The following C9orf72 variants were observed in gnomAD, a reference collection of about 807,000 sequenced individuals.
The protein encoded by C9orf72 is C9orf72-SMCR8 complex subunit.
C9orf72 carries 44 observed loss-of-function variants against 51.6 expected under a neutral mutation model. The observed-to-expected ratio is 0.85, with a 90% CI of 0.67 to 1.10. The LOEUF (loss-of-function observed/expected upper bound fraction) is 1.10. C9orf72 is among the 50% of genes least tolerant of loss of function. C9orf72 has a pLI of 0.00. For synonymous variants in C9orf72, 213 were observed against 194.2 expected (o/e 1.10, Z -0.81); for missense variants, 607 against 570.6 (o/e 1.06, Z -0.65).
intron 3 of C9orf72, among the ~76,000 whole-genome samples, chr9:27,563,139 C>A (rs1310985800): frequency 6.6e-6 from 1 of 152,106 alleles, no homozygotes; most frequent in Non-Finnish European, 1.5e-5. Flanking sequence ...AAACTTGAAT[C>A]AATACCTAAC....
At chr9:27,557,651 T>C (rs529406511) in intron 7 of C9orf72, among the ~76,000 whole-genome samples, 122 of 152,206 alleles carry the variant, frequency 8.0e-4, no homozygotes, top group African/African-American at 2.8e-3. Context: ...TTATTATGCC[T>C]TTAACAGGAG....
At chr9:27,569,411 T>C (rs182869389) in intron 1 of C9orf72, among the ~76,000 whole-genome samples, 3 of 152,340 alleles carry the variant, frequency 2.0e-5, no homozygotes, top group African/African-American at 7.2e-5. Context: ...GTAAGTGGCC[T>C]ACACAGGTAT....
At chr9:27,554,763 ACT>A (rs1026636166) in intron 8 of C9orf72, 60 of 394,398 alleles carry the variant, frequency 1.5e-4, no homozygotes, top group Non-Finnish European at 2.5e-4. Flanking sequence ...AAGTAAAATG[ACT>A]CTGTGACAAT....
chr9:27,552,415 T>G (rs928680545), intron 8 of C9orf72, among the ~76,000 whole-genome samples: 5 of 151,964 alleles, frequency 3.3e-5, no homozygotes, highest in African/African-American at 1.2e-4. Context: ...TGGCATGATC[T>G]CAGCTCGCTG....
At chr9:27,556,447 T>C in intron 8 of C9orf72, 114 bp downstream of exon 8, 4 of 668,736 alleles carry the variant, frequency 6.0e-6, no homozygotes, top group Middle Eastern at 2.9e-4. Context: ...TCAAGCATAA[T>C]TCTGCTGGTA....
At chr9:27,551,794 T>C (rs77881213) in intron 8 of C9orf72, among the ~76,000 whole-genome samples, 415 of 152,324 alleles carry the variant, frequency 2.7e-3, no homozygotes, top group African/African-American at 9.6e-3. Flanking sequence ...CATAAGTGAA[T>C]TAGATAAAGC....
intron 1 of C9orf72, among the ~76,000 whole-genome samples, chr9:27,567,958 G>T (rs1435062893): frequency 6.6e-6 from 1 of 152,078 alleles, no homozygotes; most frequent in Non-Finnish European, 1.5e-5. Context: ...CGGACTTCTA[G>T]CTTCTAGAAT....
chr9:27,561,502 T>A (rs1819345707), intron 5 of C9orf72, 83 bp downstream of exon 5: 1 of 1,573,778 alleles, frequency 6.4e-7, no homozygotes. Flanking sequence ...CAGTCTGTTA[T>A]TTTCTTTCTT....
In C9orf72 at chr9:27,557,537, C is replaced by G. The variant is rs1282200428; in HGVS notation, c.856-741G>C. Among the ~76,000 whole-genome samples, 5 of 152,108 alleles carry G rather than the reference C, an allele frequency of 3.3e-5. No homozygotes were observed. The South Asian group carries it at 1.0e-3, about 31-fold the overall frequency. On this transcript the variant is annotated intron_variant, in intron 7 of 10. Coordinates refer to ENST00000380003, the MANE Select transcript of C9orf72 (RefSeq NM_018325.5). Reference sequence around the variant, plus strand: ...ACTATTAAATATTTTTTCATTAGATCATAGTTTTGAAATTTCCTCTAGGCA... The same window carrying G: ...ACTATTAAATATTTTTTCATTAGATGATAGTTTTGAAATTTCCTCTAGGCA...
At chr9:27,550,778 C>A in intron 8 of C9orf72, 71 bp from the exon 9 acceptor site, 2 of 716,714 alleles carry the variant, frequency 2.8e-6, no homozygotes, top group Non-Finnish European at 2.3e-6. Context: ...TGCTACCTTC[C>A]ACAATCCCTC....
chr9:27,550,201 CAT>C (rs1367156988), intron 9 of C9orf72, among the ~76,000 whole-genome samples: 2 of 149,634 alleles, frequency 1.3e-5, no homozygotes, highest in African/African-American at 2.5e-5. Flanking sequence ...CACACACAAA[CAT>C]ATATATATAC....
rs201734930 is a variant in C9orf72 at position 27,548,562 on chromosome 9, G to A, written c.1254C>T (p.Asp418=). Reference sequence around the variant, plus strand: ...CGTGTAGGAGTTTTACTCACGTATCGTCTTCTATATATTTTATTAGTGTCA... The same window carrying A: ...CGTGTAGGAGTTTTACTCACGTATCATCTTCTATATATTTTATTAGTGTCA... ...KALTLIKYIE[D]DTQKGKKPFK... The change falls in exon 10 of 11, where the codon GAC becomes GAT. Residue 418 remains aspartate, a synonymous_variant. Coordinates refer to ENST00000380003, the MANE Select transcript of C9orf72 (RefSeq NM_018325.5). 59 of 1,574,676 alleles carry A rather than the reference G, an allele frequency of 3.7e-5. No homozygotes were observed. Among genetic ancestry groups the A allele is most frequent in the South Asian group, 1.7e-4 (15 of 90,112 alleles).
Position 27,556,746 on chromosome 9 carries a change from T to C in C9orf72, c.906A>G (p.Pro302=). The C allele has an allele frequency of 8.7e-6, 14 of 1,614,028 alleles. No individual in the cohort carries two copies. Among genetic ancestry groups the C allele is most frequent in the Admixed American group, 1.7e-5 (1 of 60,002 alleles). The change falls in exon 8 of 11, where the codon CCA becomes CCG. Residue 302 remains proline, a synonymous_variant. Coordinates refer to ENST00000380003, the MANE Select transcript of C9orf72 (RefSeq NM_018325.5). ...CCACATCTATGTGTGTGGTGGGATATGGAGCATACATGACTTGCCGGAAAG... is the reference window on the plus strand; with the variant it reads ...CCACATCTATGTGTGTGGTGGGATACGGAGCATACATGACTTGCCGGAAAG... ...VLPFRQVMYA[P]YPTTHIDVDV...
intron 9 of C9orf72, among the ~76,000 whole-genome samples, chr9:27,550,029 C>G (rs1036469180): frequency 1.3e-5 from 2 of 150,444 alleles, no homozygotes; most frequent in African/African-American, 4.9e-5. Context: ...ATATATTACA[C>G]TCTATCATAG....
At chr9:27,558,643 G>A in intron 6 of C9orf72, 36 bp from the exon 7 acceptor site, 1 of 1,070,728 alleles carries the variant, frequency 9.3e-7, no homozygotes, top group Non-Finnish European at 1.4e-6. Context: ...AAAACATGAA[G>A]TAAAAAGACC....
intron 1 of C9orf72, among the ~76,000 whole-genome samples, chr9:27,572,370 A>C (rs138623748): frequency 6.6e-6 from 1 of 152,262 alleles, no homozygotes; most frequent in Non-Finnish European, 1.5e-5. Flanking sequence ...CCAGGTTATT[A>C]ATATCCCCTA....
Position 27,548,847 on chromosome 9 carries a change from T to C in C9orf72, c.1150-181A>G, listed in dbSNP as rs180881156. On this transcript the variant is annotated intron_variant, in intron 9 of 10. Coordinates refer to ENST00000380003, the MANE Select transcript of C9orf72 (RefSeq NM_018325.5). The stretch of plus-strand genomic sequence containing the variant: ...AGCACTAGGTGTAGGAACAATCTGA[T>C]ATTTTTTTTTTTTTTTGAGACGGAG... Among the ~76,000 whole-genome samples the C allele has an allele frequency of 4.4e-5, 6 of 136,772 alleles. No homozygotes were observed. The East Asian group carries it at 1.4e-3, about 32-fold the overall frequency. 89.7% of individuals were successfully genotyped at this position (136,772 alleles called of 152,430 possible). A position where few individuals can be genotyped will look rare whatever the true frequency, so the allele number is the denominator to read the frequency against.
chr9:27,549,612 T>C (rs1048499539), intron 9 of C9orf72, among the ~76,000 whole-genome samples: 3 of 152,194 alleles, frequency 2.0e-5, no homozygotes, highest in African/African-American at 7.2e-5. Context: ...CAAACTGTAA[T>C]ATATTAAGAA....
At chr9:27,558,235 A>T (rs1372357213) in intron 7 of C9orf72, among the ~76,000 whole-genome samples, 1 of 151,684 alleles carries the variant, frequency 6.6e-6, no homozygotes, top group Non-Finnish European at 1.5e-5. Context: ...TGTTAAAAAA[A>T]AAAAAGTCCT....
Sources: gnomAD v4.1 joint callset for allele counts (sites outside exome capture counted in the v4.1 genomes callset) on GRCh38, gnomAD v4.1.1 for gene constraint, MANE v1.5 for transcripts, NCBI Gene and HGNC (gene_info 2026-07-23, HGNC 2026-07-21) for gene names.